Variants in WDR37 observed in about 807,000 individuals in gnomAD.
The protein encoded by WDR37 is WD repeat domain 37.
A neutral mutation model predicts 62.9 loss-of-function variants in WDR37; 19 were observed. The ratio of observed to expected loss-of-function variants is 0.30; its 90% CI spans 0.21 to 0.44. WDR37 has a LOEUF of 0.44. WDR37 is among the 20% of genes least tolerant of loss of function. The pLI is 1.00. For missense variants in WDR37, 474 were observed against 657.6 expected (o/e 0.72, Z 3.05); for synonymous variants, 250 against 260.9 (o/e 0.96, Z 0.40).
intron 3 of WDR37, among the ~76,000 whole-genome samples, chr10:1,079,276 G>A (rs1833959356): frequency 6.6e-6 from 1 of 151,582 alleles, no homozygotes; most frequent in African/African-American, 2.4e-5. Flanking sequence ...GTAGAGAAGG[G>A]GTTTTGCCAT....
chr10:1,099,122 C>G (rs1834703241), intron 9 of WDR37, among the ~76,000 whole-genome samples: 1 of 152,176 alleles, frequency 6.6e-6, no homozygotes, highest in Non-Finnish European at 1.5e-5. Context: ...ACCATAAATT[C>G]ATAAAATTCT....
chr10:1,090,290 C>G (rs1047718752), intron 7 of WDR37, among the ~76,000 whole-genome samples: 2 of 152,162 alleles, frequency 1.3e-5, no homozygotes, highest in Admixed American at 6.5e-5. Flanking sequence ...TCCCGAGTAG[C>G]TGGGAGTACA....
At chr10:1,101,629 C>T (rs1454870281) in intron 9 of WDR37, among the ~76,000 whole-genome samples, 2 of 152,168 alleles carry the variant, frequency 1.3e-5, no homozygotes, top group Admixed American at 1.3e-4. Flanking sequence ...CACATCCTGC[C>T]GACAGCCGTC....
At chr10:1,101,271 C>T (rs1050488994) in intron 9 of WDR37, among the ~76,000 whole-genome samples, 2 of 152,212 alleles carry the variant, frequency 1.3e-5, no homozygotes, top group African/African-American at 4.8e-5. Flanking sequence ...CGTGTTCCCA[C>T]AGTCCTGGAG....
chr10:1,112,459 C>A (rs570456802), intron 11 of WDR37, among the ~76,000 whole-genome samples: 1 of 152,306 alleles, frequency 6.6e-6, no homozygotes, highest in South Asian at 2.1e-4. Flanking sequence ...CAATTAACAT[C>A]CCTATAGCAG....
chr10:1,092,244 C>T (rs1834420413), intron 7 of WDR37, among the ~76,000 whole-genome samples: 1 of 151,702 alleles, frequency 6.6e-6, no homozygotes, highest in African/African-American at 2.4e-5. Flanking sequence ...CGGTGGCTCA[C>T]GCCTGTAATC....
chr10:1,069,390 T>TATATATATATATATATATATATATA (rs1491098746), intron 1 of WDR37, among the ~76,000 whole-genome samples: 1 of 47,090 alleles, frequency 2.1e-5, no homozygotes, highest in Non-Finnish European at 3.7e-5. Flanking sequence ...TATATATATA[T>TATATATATATATATATATATATATA]TTTTTTTTTT....
rs1833175180 is a variant in WDR37, at chr10:1,056,636, G to C, written c.-373G>C. ...GGCAGGAGTACGTGACCAAGGGTGG[G>C]GGCGTTGGCCCAGCAGCCGAAGGGG... On this transcript the variant is annotated 5_prime_UTR_variant, in exon 1 of 14. Coordinates refer to ENST00000263150, the MANE Select transcript of WDR37 (RefSeq NM_014023.4). 6.6e-6 allele frequency: 1 copy of C among 152,240 alleles called. No individual in the cohort carries two copies. Among genetic ancestry groups the C allele is most frequent in the Non-Finnish European group, 1.5e-5 (1 of 68,054 alleles). 9.4% of individuals were successfully genotyped at this position (152,240 alleles called of 1,614,324 possible).
At chr10:1,073,356 A>G (rs909004228) in intron 2 of WDR37, among the ~76,000 whole-genome samples, 1 of 152,308 alleles carries the variant, frequency 6.6e-6, no homozygotes, top group African/African-American at 2.4e-5. Context: ...CATGTGGGTA[A>G]CTTTATGCCA....
Position 1,125,038 on chromosome 10 carries a change from C to A in WDR37, c.1353+14C>A. On this transcript the variant is annotated intron_variant, in intron 13 of 13. Transcript: ENST00000263150. ...AGCAGCCGACAGGTAACAGCACGGT[C>A]GGTGAACATATGCAGGGCACAGTGG... is the stretch of plus-strand genomic sequence containing the variant. 6.2e-7 allele frequency: 1 copy of A among 1,613,970 alleles called. No homozygotes were observed. Among genetic ancestry groups the A allele is most frequent in the South Asian group, 1.1e-5 (1 of 91,028 alleles).
At chr10:1,113,845 A>G (rs959935683) in intron 11 of WDR37, among the ~76,000 whole-genome samples, 7 of 152,136 alleles carry the variant, frequency 4.6e-5, no homozygotes, top group Non-Finnish European at 7.3e-5. Context: ...CATTGTTTAA[A>G]TGACAGCAAA....
At chr10:1,125,482 T>C (rs888035650) in intron 13 of WDR37, among the ~76,000 whole-genome samples, 4 of 152,208 alleles carry the variant, frequency 2.6e-5, no homozygotes, top group African/African-American at 9.6e-5. Context: ...AGTGCTAGGA[T>C]TACAGGCGTG....
chr10:1,089,237 T>C (rs1834302171), intron 7 of WDR37, among the ~76,000 whole-genome samples: 1 of 152,038 alleles, frequency 6.6e-6, no homozygotes, highest in Non-Finnish European at 1.5e-5. Flanking sequence ...GGCCCGCTCC[T>C]TCCTGGCTGC....
rs1835587804 is a variant in WDR37 at position 1,121,750 on chromosome 10, A to G, written c.1104-2468A>G. ...TGCTGCACCACAGGGAAGGGCCCCG[A>G]CCAGACATCAGGTCCTAGCGGGGGA... is the stretch of plus-strand genomic sequence containing the variant. On this transcript the variant is annotated intron_variant, in intron 11 of 13. Transcript: ENST00000263150. This position sits in a 1 kb window ranked among gnomAD's most constrained non-coding sequence, Gnocchi z 4.5. Among the ~76,000 whole-genome samples, 1 of 152,184 alleles carries G rather than the reference A, an allele frequency of 6.6e-6. No individual in the cohort carries two copies. Among genetic ancestry groups the G allele is most frequent in the African/African-American group, 2.4e-5 (1 of 41,444 alleles).
intron 5 of WDR37, among the ~76,000 whole-genome samples, chr10:1,081,355 C>G (rs1162796043): frequency 6.6e-6 from 1 of 152,174 alleles, no homozygotes; most frequent in Non-Finnish European, 1.5e-5. Flanking sequence ...TGGCATATTT[C>G]AAGGATACAA....
intron 5 of WDR37, among the ~76,000 whole-genome samples, chr10:1,082,520 C>T (rs1834060135): frequency 6.6e-6 from 1 of 152,202 alleles, no homozygotes; most frequent in Non-Finnish European, 1.5e-5. Flanking sequence ...TTAGATTGCG[C>T]CGCAGTTCAA....
Position 1,129,719 on chromosome 10 carries a change from G to T in WDR37, c.*375G>T. The T allele has an allele frequency of 5.6e-6, 1 of 179,402 alleles. No individual in the cohort carries two copies. Among genetic ancestry groups the T allele is most frequent in the Non-Finnish European group, 1.2e-5 (1 of 84,272 alleles). The allele number at this position is 179,402 out of a possible 1,614,324, so 11.1% of individuals were successfully genotyped here. A position where few individuals can be genotyped will look rare whatever the true frequency, so the allele number is the denominator to read the frequency against. On this transcript the variant is annotated 3_prime_UTR_variant, in exon 14 of 14. Coordinates refer to ENST00000263150, the MANE Select transcript of WDR37 (RefSeq NM_014023.4). ...GGCGTCGGCAGTCCTGCGTTCCCTG[G>T]AGTAACTGTACGTATCTGCCTTTGC... is the stretch of plus-strand genomic sequence containing the variant.
At position 1,103,922 on chromosome 10, in the gene WDR37, C is replaced by T; in HGVS notation, c.961+86C>T. The T allele has an allele frequency of 7.4e-7, 1 of 1,354,660 alleles. No individual in the cohort carries two copies. Among genetic ancestry groups the T allele is most frequent in the South Asian group, 1.3e-5 (1 of 76,466 alleles). The allele number at this position is 1,354,660 out of a possible 1,614,324, so 83.9% of individuals were successfully genotyped here. ...TTATGTCTGACCTTGCCACTTACTT[C>T]TTGACCAGAATGAGTCTCTGTGTTC... On this transcript the variant is annotated intron_variant, in intron 10 of 13. Transcript: ENST00000263150. This position sits in a 1 kb window ranked among gnomAD's most constrained non-coding sequence, Gnocchi z 6.3.
intron 7 of WDR37, 72 bp downstream of exon 7, chr10:1,086,429 G>GATA: frequency 8.1e-7 from 1 of 1,240,492 alleles, no homozygotes; most frequent in South Asian, 1.2e-5. Context: ...AATCGTGCAT[G>GATA]ATAAAGCCAG....
Sources: allele counts gnomAD v4.1 joint callset (sites outside exome capture counted in the v4.1 genomes callset), GRCh38; gene constraint gnomAD v4.1.1; non-coding constraint Gnocchi (gnomAD v3.1); transcripts MANE v1.5; gene names NCBI Gene and HGNC (gene_info 2026-07-23, HGNC 2026-07-21).